The following ARHGAP22 variants were observed in gnomAD, a reference collection of about 807,000 sequenced individuals.
The protein encoded by ARHGAP22 is Rho GTPase activating protein 22.
ARHGAP22 carries 48 observed loss-of-function variants against 59.1 expected under a neutral mutation model. The observed-to-expected ratio is 0.81, with a 90% CI of 0.64 to 1.03. The LOEUF is 1.03. ARHGAP22 is among the 50% of genes least tolerant of loss of function. The probability of loss-of-function intolerance (pLI) is 0.00; values close to 1 mark genes in which losing one functional copy is unlikely to be tolerated. For missense variants in ARHGAP22, 1,015 were observed against 958.7 expected, an observed-to-expected ratio of 1.06 and a Z score of -0.78; for synonymous variants, 445 against 416.4, an observed-to-expected ratio of 1.07 and a Z score of -0.84.
chr10:48,451,626 A>G (rs1457081190), intron 8 of ARHGAP22: 2 of 691,156 alleles, frequency 2.9e-6, no homozygotes, highest in Admixed American at 2.0e-5. Flanking sequence ...GGGCACACAC[A>G]TACAATTGCA....
At chr10:48,552,605 T>C (rs527822757) in intron 3 of ARHGAP22, among the ~76,000 whole-genome samples, 1 of 152,338 alleles carries the variant, frequency 6.6e-6, no homozygotes, top group East Asian at 1.9e-4. Flanking sequence ...CTCAGCCTAG[T>C]GAGGATAAGT....
intron 3 of ARHGAP22, among the ~76,000 whole-genome samples, chr10:48,545,691 G>A (rs1218738753): frequency 6.6e-6 from 1 of 152,296 alleles, no homozygotes; most frequent in East Asian, 1.9e-4. Flanking sequence ...GTGCACACTG[G>A]CTCTCCTTCA....
intron 9 of ARHGAP22, among the ~76,000 whole-genome samples, chr10:48,447,448 C>T (rs1295498641): frequency 1.3e-5 from 2 of 152,216 alleles, no homozygotes. Context: ...TAACCATGGA[C>T]TGGAACATGC....
chr10:48,481,922 T>G (rs1422625988), intron 3 of ARHGAP22, among the ~76,000 whole-genome samples: 1 of 152,252 alleles, frequency 6.6e-6, no homozygotes, highest in Non-Finnish European at 1.5e-5. Context: ...GTGAAATATC[T>G]GTTCAAATCT....
In ARHGAP22 at chr10:48,482,175, T is replaced by C. The variant is rs191712427; in HGVS notation, c.323-2411A>G. Among the ~76,000 whole-genome samples, 224 of 152,346 alleles carry C rather than the reference T, an allele frequency of 1.5e-3. 1 individual carries two copies. Among genetic ancestry groups the C allele is most frequent in the African/African-American group, 5.2e-3 (216 of 41,582 alleles). On this transcript the variant is annotated intron_variant, in intron 3 of 9. Coordinates refer to ENST00000249601, the MANE Select transcript of ARHGAP22 (RefSeq NM_021226.4). ...TGCTTCCTGCATTGTATCTAAGAAA[T>C]CTTTACTTCATCTAAGGCCATAAAA...
intron 3 of ARHGAP22, among the ~76,000 whole-genome samples, chr10:48,507,227 C>T (rs1462838761): frequency 6.6e-6 from 1 of 152,192 alleles, no homozygotes; most frequent in Non-Finnish European, 1.5e-5. Flanking sequence ...CTGTCAACCT[C>T]ATCCATCTAG....
At chr10:48,652,160 G>A in intron 1 of ARHGAP22, 1 of 1,399,620 alleles carries the variant, frequency 7.1e-7, no homozygotes, top group Non-Finnish European at 9.8e-7. Context: ...CAGCCTCCGG[G>A]GACCCCATCC....
In ARHGAP22 at chr10:48,555,682, G is replaced by T. The variant is rs1301920420; in HGVS notation, c.235-132C>A. The T allele has an allele frequency of 1.2e-4, 89 of 772,916 alleles. No individual in the cohort carries two copies. In the Admixed American group the frequency reaches 1.9e-3, roughly 16 times the overall value. The allele number at this position is 772,916 out of a possible 1,614,324, so 47.9% of individuals were successfully genotyped here. On this transcript the variant is annotated intron_variant, in intron 2 of 9. Coordinates refer to ENST00000249601, the MANE Select transcript of ARHGAP22 (RefSeq NM_021226.4). ...CCATGGCTGGGAAGGCTGGGCCTCA[G>T]AGAGGGGCACACACCTCCTCTCCTA...
intron 3 of ARHGAP22, chr10:48,511,008 A>T (rs957460525): frequency 7.9e-5 from 12 of 151,984 alleles, no homozygotes; most frequent in African/African-American, 2.9e-4. Flanking sequence ...GCCCTCCTTG[A>T]CTCTTCCCTG....
intron 4 of ARHGAP22, among the ~76,000 whole-genome samples, chr10:48,471,690 G>A (rs1235311463): frequency 6.6e-6 from 1 of 152,182 alleles, no homozygotes; most frequent in Non-Finnish European, 1.5e-5. Flanking sequence ...CCACAGCCAG[G>A]AGAGCTTATC....
At chr10:48,514,830 A>G (rs992307476) in intron 3 of ARHGAP22, among the ~76,000 whole-genome samples, 3 of 152,196 alleles carry the variant, frequency 2.0e-5, no homozygotes, top group South Asian at 2.1e-4. Flanking sequence ...ACAAAGTTAT[A>G]TTGGAGCAAA....
chr10:48,514,793 G>A (rs2053128498), intron 3 of ARHGAP22, among the ~76,000 whole-genome samples: 1 of 152,070 alleles, frequency 6.6e-6, no homozygotes, highest in Non-Finnish European at 1.5e-5. Flanking sequence ...GGCAATAATG[G>A]CACCAACGAG....
At chr10:48,594,675 T>C (rs2059959021) in intron 1 of ARHGAP22, among the ~76,000 whole-genome samples, 1 of 152,194 alleles carries the variant, frequency 6.6e-6, no homozygotes, top group Admixed American at 6.5e-5. Flanking sequence ...GTTTTGCCCA[T>C]GTACTGGGAA....
chr10:48,508,746 T>A (rs943837856), intron 3 of ARHGAP22, among the ~76,000 whole-genome samples: 1 of 152,182 alleles, frequency 6.6e-6, no homozygotes, highest in South Asian at 2.1e-4. Flanking sequence ...GAGGGTAAAT[T>A]GTATGGGAGG....
chr10:48,490,141 C>T (rs2050242013), intron 3 of ARHGAP22, among the ~76,000 whole-genome samples: 1 of 152,136 alleles, frequency 6.6e-6, no homozygotes, highest in African/African-American at 2.4e-5. Flanking sequence ...GACTCATGCA[C>T]CTGTAGGGGG....
At chr10:48,433,465 T>C in the ARHGAP22 span, among the ~76,000 whole-genome samples, 3 of 152,202 alleles carry the variant, frequency 2.0e-5, no homozygotes, top group Non-Finnish European at 4.4e-5. Context: ...TTGAACTAAA[T>C]AGAATATACT....
chr10:48,498,922 C>T (rs189468532), intron 3 of ARHGAP22, among the ~76,000 whole-genome samples: 89 of 152,290 alleles, frequency 5.8e-4, no homozygotes, highest in African/African-American at 1.9e-3. Context: ...ATGCAGCCAC[C>T]GAGACCCAAG....
At chr10:48,474,750 A>C (rs2048551599) in intron 4 of ARHGAP22, among the ~76,000 whole-genome samples, 1 of 144,712 alleles carries the variant, frequency 6.9e-6, no homozygotes, top group African/African-American at 2.6e-5. Context: ...CTGTTAATAT[A>C]GTACATTAAT....
At chr10:48,634,572 G>C (rs2061740184) in intron 1 of ARHGAP22, among the ~76,000 whole-genome samples, 1 of 152,116 alleles carries the variant, frequency 6.6e-6, no homozygotes, top group Non-Finnish European at 1.5e-5. Flanking sequence ...GCTTCCGCTT[G>C]GCTCCCTAGA....
Sources: gnomAD v4.1 joint callset for allele counts (sites outside exome capture counted in the v4.1 genomes callset) on GRCh38, gnomAD v4.1.1 for gene constraint, MANE v1.5 for transcripts, NCBI Gene and HGNC (gene_info 2026-07-23, HGNC 2026-07-21) for gene names.